The following EYS variants were observed in gnomAD, a reference collection of about 807,000 sequenced individuals.
The protein encoded by EYS is protein eyes shut homolog.
Under a neutral mutation model 282.1 loss-of-function variants are expected in EYS, and 250 were observed. The ratio of observed to expected loss-of-function variants is 0.89; its 90% CI spans 0.80 to 0.98. The LOEUF (loss-of-function observed/expected upper bound fraction) is 0.98, where lower values mean the gene tolerates loss of function less well. Among genes scored for constraint, EYS ranks in the 50% least tolerant of loss-of-function variants. The pLI, the probability that EYS is intolerant of heterozygous loss-of-function variation, is 0.00. For missense variants in EYS, 4,016 were observed against 3,709.0 expected (o/e 1.08, Z -2.15); for synonymous variants, 1,355 against 1,282.9 (o/e 1.06, Z -1.20).
chr6:64,133,110 G>A (rs1436253016), intron 31 of EYS, among the ~76,000 whole-genome samples: 2 of 151,940 alleles, frequency 1.3e-5, no homozygotes, highest in South Asian at 2.1e-4. Context: ...ATTAAAGTCA[G>A]TCTCAGGAAG....
intron 24 of EYS, 76 bp downstream of exon 24, chr6:64,617,342 A>G: frequency 2.1e-6 from 2 of 941,422 alleles, no homozygotes; most frequent in Non-Finnish European, 3.4e-6. Flanking sequence ...ATTTTTCACC[A>G]TATAATTTTC....
chr6:64,886,284 G>A (rs79621407), intron 19 of EYS, among the ~76,000 whole-genome samples: 2,146 of 151,220 alleles, frequency 0.014, 16 homozygotes, highest in Non-Finnish European at 0.024. Context: ...ATCTTCTTTT[G>A]CTTTACATTT....
intron 16 of EYS, among the ~76,000 whole-genome samples, chr6:64,907,730 T>TTA (rs1167888750): frequency 7.6e-4 from 116 of 152,236 alleles, no homozygotes; most frequent in African/African-American, 2.7e-3. Flanking sequence ...AGAAGGGGTC[T>TTA]GAATGCCAAT....
At chr6:65,279,648 G>C (rs1582095029) in intron 12 of EYS, among the ~76,000 whole-genome samples, 1 of 152,046 alleles carries the variant, frequency 6.6e-6, no homozygotes, top group South Asian at 2.1e-4. Flanking sequence ...GTGAATATAT[G>C]AATGACTAAA....
At chr6:65,073,970 G>A (rs1041917625) in intron 12 of EYS, among the ~76,000 whole-genome samples, 11 of 152,100 alleles carry the variant, frequency 7.2e-5, no homozygotes, top group African/African-American at 2.6e-4. Flanking sequence ...CAGAAAGGGA[G>A]GTGGTACGTT....
At chr6:63,820,817 A>G (rs1562042340) in intron 36 of EYS, among the ~76,000 whole-genome samples, 1 of 152,194 alleles carries the variant, frequency 6.6e-6, no homozygotes, top group African/African-American at 2.4e-5. Flanking sequence ...CTATGCCAGT[A>G]CCACACTGAT....
intron 2 of EYS, among the ~76,000 whole-genome samples, chr6:65,515,090 A>G (rs1767070698): frequency 6.6e-6 from 1 of 152,212 alleles, no homozygotes; most frequent in Non-Finnish European, 1.5e-5. Flanking sequence ...AAACAAATTT[A>G]CAACAAAACA....
At chr6:63,900,141 A>G (rs1416734848) in intron 35 of EYS, among the ~76,000 whole-genome samples, 1 of 152,156 alleles carries the variant, frequency 6.6e-6, no homozygotes, top group Non-Finnish European at 1.5e-5. Context: ...TCTTTCTAGC[A>G]TGGCTATTAA....
At chr6:64,314,532 A>C (rs921778863) in intron 29 of EYS, among the ~76,000 whole-genome samples, 28 of 152,296 alleles carry the variant, frequency 1.8e-4, no homozygotes, top group African/African-American at 6.7e-4. Flanking sequence ...TATAATTGGA[A>C]GTAAAACACT....
chr6:65,141,435 A>T (rs1764337559), intron 12 of EYS, among the ~76,000 whole-genome samples: 1 of 152,048 alleles, frequency 6.6e-6, no homozygotes, highest in African/African-American at 2.4e-5. Flanking sequence ...TGGCACATGT[A>T]TACATATGTA....
chr6:64,660,477 T>A (rs1199841319), intron 22 of EYS, among the ~76,000 whole-genome samples: 1 of 152,032 alleles, frequency 6.6e-6, no homozygotes, highest in Non-Finnish European at 1.5e-5. Context: ...TGATTTTATA[T>A]CTAGAAAACC....
intron 1 of EYS, among the ~76,000 whole-genome samples, chr6:65,677,105 G>GAAAAA (rs58880200): frequency 3.7e-5 from 4 of 107,660 alleles, no homozygotes; most frequent in East Asian, 2.8e-4. Context: ...AGTCATTGGT[G>GAAAAA]AAAAAAAAAA....
At chr6:64,497,973 A>G (rs2150510015) in intron 26 of EYS, among the ~76,000 whole-genome samples, 1 of 152,228 alleles carries the variant, frequency 6.6e-6, no homozygotes, top group Middle Eastern at 3.4e-3. Flanking sequence ...AAAGGTAAGG[A>G]AAACCAAACA....
intron 23 of EYS, among the ~76,000 whole-genome samples, chr6:64,619,693 G>T (rs1016433629): frequency 3.3e-5 from 5 of 151,808 alleles, no homozygotes; most frequent in Non-Finnish European, 5.9e-5. Context: ...TTTTGTTTTT[G>T]AGACAGGGTC....
chr6:64,102,148 T>G (rs2150259700), intron 31 of EYS, among the ~76,000 whole-genome samples: 1 of 152,298 alleles, frequency 6.6e-6, no homozygotes, highest in South Asian at 2.1e-4. Context: ...TCTATGCCAC[T>G]TGTAGATAAT....
At chr6:64,704,739 T>C (rs1031016874) in intron 22 of EYS, among the ~76,000 whole-genome samples, 4 of 151,878 alleles carry the variant, frequency 2.6e-5, no homozygotes, top group African/African-American at 4.8e-5. Flanking sequence ...AGAACAATGA[T>C]TGAATGACTT....
chr6:64,787,842 A>G (rs2149998221), intron 22 of EYS, among the ~76,000 whole-genome samples: 1 of 151,678 alleles, frequency 6.6e-6, no homozygotes, highest in East Asian at 1.9e-4. Flanking sequence ...GCTTAATTTT[A>G]TATTTCAAGC....
At chr6:64,915,345 G>T (rs1198533211) in intron 15 of EYS, among the ~76,000 whole-genome samples, 1 of 152,036 alleles carries the variant, frequency 6.6e-6, no homozygotes, top group Non-Finnish European at 1.5e-5. Flanking sequence ...GTCTAAGAAT[G>T]ATCTGAATCT....
chr6:64,345,491 T>A (rs1295677873), intron 29 of EYS, among the ~76,000 whole-genome samples: 11 of 152,148 alleles, frequency 7.2e-5, no homozygotes, highest in Non-Finnish European at 1.5e-4. Context: ...GAAAACTGGC[T>A]AGCCATATGT....
Sources: allele counts gnomAD v4.1 joint callset (sites outside exome capture counted in the v4.1 genomes callset), GRCh38; gene constraint gnomAD v4.1.1; transcripts MANE v1.5; gene names NCBI Gene and HGNC (gene_info 2026-07-23, HGNC 2026-07-21).